The following EPHA5 variants were observed in gnomAD, a reference collection of about 807,000 sequenced individuals.
The protein encoded by EPHA5 is ephrin type-A receptor 5.
A neutral mutation model predicts 105.0 loss-of-function variants in EPHA5; 60 were observed. The ratio of observed to expected loss-of-function variants is 0.57; its 90% CI spans 0.46 to 0.71. The LOEUF (loss-of-function observed/expected upper bound fraction) is 0.71, where lower values mean the gene tolerates loss of function less well. Among genes scored for constraint, EPHA5 ranks in the 30% least tolerant of loss-of-function variants. The pLI is 0.00. For missense variants in EPHA5, 1,218 were observed against 1,274.7 expected (o/e 0.96, Z 0.68); for synonymous variants, 513 against 449.1 (o/e 1.14, Z -1.80).
rs1727631358 is a variant in EPHA5 at position 65,456,721 on chromosome 4, TATAC to T, written c.1402+33652_1402+33655del. Among the ~76,000 whole-genome samples, 5 of 123,940 alleles carry T rather than the reference TATAC, an allele frequency of 4.0e-5. No homozygotes were observed. In the Admixed American group the frequency reaches 4.2e-4, roughly 10 times the overall value. The allele number at this position is 123,940 out of a possible 152,430, so 81.3% of individuals were successfully genotyped here. On this transcript the variant is annotated intron_variant, in intron 5 of 16. Transcript: ENST00000613740. ...GTGGAAAAATCATACAAAATAAACA[TATAC>T]ACACACACACACACACATACACATT... is the stretch of plus-strand genomic sequence containing the variant.
chr4:65,633,436 G>A (rs1178687871), intron 2 of EPHA5, among the ~76,000 whole-genome samples: 1 of 151,836 alleles, frequency 6.6e-6, no homozygotes, highest in Non-Finnish European at 1.5e-5. Context: ...TGTCCCCAGG[G>A]AACTCTGCAA....
At chr4:65,327,201 G>A (rs1051928456) in intron 16 of EPHA5, among the ~76,000 whole-genome samples, 1 of 150,896 alleles carries the variant, frequency 6.6e-6, no homozygotes, top group Admixed American at 6.6e-5. Context: ...TGTGGGTATT[G>A]TTTGAGTTTA....
intron 8 of EPHA5, among the ~76,000 whole-genome samples, chr4:65,375,870 T>G (rs1380768505): frequency 6.6e-6 from 1 of 151,868 alleles, no homozygotes; most frequent in Non-Finnish European, 1.5e-5. Flanking sequence ...GTATTTAGTT[T>G]GACACTGAAG....
At chr4:65,633,954 T>C (rs1746880204) in intron 2 of EPHA5, among the ~76,000 whole-genome samples, 1 of 152,082 alleles carries the variant, frequency 6.6e-6, no homozygotes, top group Non-Finnish European at 1.5e-5. Context: ...GTACACGTTG[T>C]AATCTGGAGC....
At chr4:65,331,149 C>T (rs1294643782) in intron 16 of EPHA5, 4 of 1,031,708 alleles carry the variant, frequency 3.9e-6, no homozygotes, top group Non-Finnish European at 1.2e-6. Flanking sequence ...TTTGAATTGG[C>T]AGGTAATTTG....
intron 3 of EPHA5, among the ~76,000 whole-genome samples, chr4:65,553,512 A>T (rs1422032226): frequency 6.6e-6 from 1 of 152,092 alleles, no homozygotes; most frequent in African/African-American, 2.4e-5. Flanking sequence ...TTCAAAAAGA[A>T]TACTTGGTTG....
intron 7 of EPHA5, among the ~76,000 whole-genome samples, chr4:65,405,314 T>C (rs749162457): frequency 4.6e-5 from 7 of 152,204 alleles, no homozygotes; most frequent in Non-Finnish European, 8.8e-5. Flanking sequence ...TGTACTAATG[T>C]TCATGAGAAT....
intron 3 of EPHA5, among the ~76,000 whole-genome samples, chr4:65,578,693 A>G (rs774853258): frequency 6.6e-6 from 1 of 152,220 alleles, no homozygotes; most frequent in Non-Finnish European, 1.5e-5. Context: ...GAGTACCGAA[A>G]GGACACTTTA....
intron 5 of EPHA5, among the ~76,000 whole-genome samples, chr4:65,475,837 A>T (rs1729743698): frequency 6.6e-6 from 1 of 152,164 alleles, no homozygotes; most frequent in African/African-American, 2.4e-5. Context: ...GTTTAAAACT[A>T]GTTTCTAGGT....
At chr4:65,474,442 A>T (rs182151163) in intron 5 of EPHA5, among the ~76,000 whole-genome samples, 25 of 152,298 alleles carry the variant, frequency 1.6e-4, no homozygotes, top group Middle Eastern at 3.4e-3. Context: ...AGTCTAGAGG[A>T]AACTATTTAC....
At chr4:65,639,590 T>G (rs969517430) in intron 2 of EPHA5, among the ~76,000 whole-genome samples, 4 of 152,208 alleles carry the variant, frequency 2.6e-5, no homozygotes, top group African/African-American at 9.6e-5. Context: ...ATCCTGCTTA[T>G]GTTTGCTGAG....
Position 65,573,473 on chromosome 4 carries a change from A to G in EPHA5, c.910+28168T>C, listed in dbSNP as rs1477577151. ...CATCTTGCAAGATGGCGGGTGAAAA[A>G]GTTTAGAAGCCAGATACTAAAGAGA... is the stretch of plus-strand genomic sequence containing the variant. On this transcript the variant is annotated intron_variant, in intron 3 of 16. Coordinates refer to ENST00000613740, the MANE Select transcript of EPHA5 (RefSeq NM_001281766.3). 17 of 1,507,560 alleles carry G rather than the reference A, an allele frequency of 1.1e-5. No individual in the cohort carries two copies. In the South Asian group the frequency reaches 2.1e-4, roughly 18 times the overall value. 93.4% of individuals were successfully genotyped at this position (1,507,560 alleles called of 1,614,324 possible).
At chr4:65,420,251 A>G (rs1179513469) in intron 6 of EPHA5, among the ~76,000 whole-genome samples, 190 bp downstream of exon 6, 6 of 152,192 alleles carry the variant, frequency 3.9e-5, no homozygotes, top group Non-Finnish European at 7.3e-5. Flanking sequence ...AGTGTAAACT[A>G]TGTGGCAGCA....
At chr4:65,572,595 A>G (rs186407352) in intron 3 of EPHA5, among the ~76,000 whole-genome samples, 1 of 152,360 alleles carries the variant, frequency 6.6e-6, no homozygotes, top group East Asian at 1.9e-4. Context: ...AAGTTTGTAT[A>G]GCAATTGTGA....
At chr4:65,458,574 A>G (rs1213400174) in intron 5 of EPHA5, among the ~76,000 whole-genome samples, 2 of 152,072 alleles carry the variant, frequency 1.3e-5, no homozygotes, top group African/African-American at 2.4e-5. Context: ...GTTCACATTA[A>G]TTTATTAATC....
chr4:65,361,782 T>G (rs1208979340), intron 11 of EPHA5, among the ~76,000 whole-genome samples: 1 of 151,626 alleles, frequency 6.6e-6, no homozygotes, highest in Non-Finnish European at 1.5e-5. Context: ...AATTTATTAA[T>G]TTTACAGAAC....
chr4:65,334,348 A>T (rs1720967694), intron 15 of EPHA5, among the ~76,000 whole-genome samples: 1 of 152,084 alleles, frequency 6.6e-6, no homozygotes, highest in African/African-American at 2.4e-5. Context: ...AATTGCAGAA[A>T]GAAACAGTTG....
intron 8 of EPHA5, among the ~76,000 whole-genome samples, chr4:65,399,575 C>T (rs1721609865): frequency 6.6e-6 from 1 of 152,196 alleles, no homozygotes; most frequent in South Asian, 2.1e-4. Flanking sequence ...ATTATTCTTC[C>T]TCTTCAGAAG....
chr4:65,556,329 C>A (rs1020252771), intron 3 of EPHA5, among the ~76,000 whole-genome samples: 2 of 152,182 alleles, frequency 1.3e-5, no homozygotes, highest in Non-Finnish European at 2.9e-5. Context: ...AATTCACCCT[C>A]TCACTAGTGG....
Sources: allele counts gnomAD v4.1 joint callset (sites outside exome capture counted in the v4.1 genomes callset), GRCh38; gene constraint gnomAD v4.1.1; transcripts MANE v1.5; gene names NCBI Gene and HGNC (gene_info 2026-07-23, HGNC 2026-07-21).